Variants in MYH15 observed in about 807,000 individuals in gnomAD.
MYH15 encodes myosin heavy chain 15.
Under a neutral mutation model 240.5 loss-of-function variants are expected in MYH15, and 227 were observed. The observed-to-expected ratio is 0.94, with a 90% confidence interval of 0.85 to 1.05. The LOEUF is 1.05. Ranked by LOEUF, MYH15 falls within the 50% of genes least tolerant of loss-of-function variation. MYH15 has a pLI of 0.00. For missense variants in MYH15, 2,217 were observed against 2,247.5 expected (o/e 0.99, Z 0.27); for synonymous variants, 785 against 796.7 (o/e 0.99, Z 0.25).
At chr3:108,419,511 T>G (rs141482765) in intron 28 of MYH15, among the ~76,000 whole-genome samples, 9 of 152,284 alleles carry the variant, frequency 5.9e-5, no homozygotes, top group African/African-American at 2.2e-4. Context: ...TACACAGCAC[T>G]TCCTTTAGGG....
At chr3:108,441,919 A>G (rs183964707) in intron 22 of MYH15, among the ~76,000 whole-genome samples, 3 of 152,302 alleles carry the variant, frequency 2.0e-5, no homozygotes, top group African/African-American at 7.2e-5. Flanking sequence ...TTTCACAGGC[A>G]CTGCCTCCAG....
intron 2 of MYH15, among the ~76,000 whole-genome samples, chr3:108,504,247 C>G (rs550333697): frequency 2.0e-4 from 30 of 152,276 alleles, no homozygotes; most frequent in African/African-American, 7.2e-4. Context: ...CTGATTGAGT[C>G]TATTTCTTAG....
intron 11 of MYH15, among the ~76,000 whole-genome samples, chr3:108,480,935 T>C (rs1443650942): frequency 1.3e-5 from 2 of 152,158 alleles, no homozygotes; most frequent in Non-Finnish European, 2.9e-5. Flanking sequence ...CCTTCCTAAA[T>C]AATTAACTGG....
At chr3:108,413,834 CACA>C (rs1245945045) in intron 30 of MYH15, among the ~76,000 whole-genome samples, 4 of 152,174 alleles carry the variant, frequency 2.6e-5, no homozygotes, top group African/African-American at 9.7e-5. Context: ...AGACCAGGGA[CACA>C]ACGACTTTGA....
In MYH15 at chr3:108,383,703, GGAAAGGTATT is replaced by G. The variant is rs1296704296; in HGVS notation, c.5648_5657del (p.Gln1883ProfsTer10). 5 of 1,597,274 alleles carry G rather than the reference GGAAAGGTATT, an allele frequency of 3.1e-6. No homozygotes were observed. Among genetic ancestry groups the G allele is most frequent in the Non-Finnish European group, 4.3e-6 (5 of 1,172,100 alleles). ...ACTCATGTTGCTGTTTCTTATACTT[GGAAAGGTATT>G]GATTGGCTTGTGTTTCCTATAAAAA... On this transcript the variant is annotated frameshift_variant, in exon 40 of 41. Transcript: ENST00000693548. LOFTEE classifies it high-confidence loss of function.
intron 16 of MYH15, 130 bp from the exon 17 acceptor site, chr3:108,460,497 C>T: frequency 1.8e-6 from 1 of 563,696 alleles, no homozygotes. Context: ...CTACCAAAAG[C>T]TTCAAAATAT....
intron 3 of MYH15, among the ~76,000 whole-genome samples, 177 bp downstream of exon 3, chr3:108,501,535 T>A (rs926178137): frequency 6.6e-6 from 1 of 152,156 alleles, no homozygotes; most frequent in Admixed American, 6.6e-5. Context: ...GGCATATGAA[T>A]GTTGACAAAA....
the MYH15 span, among the ~76,000 whole-genome samples, chr3:108,542,479 T>C: frequency 6.6e-6 from 1 of 152,218 alleles, no homozygotes; most frequent in South Asian, 2.1e-4. Context: ...TGTGCAGCCT[T>C]TTCAGACTGG....
intron 32 of MYH15, among the ~76,000 whole-genome samples, chr3:108,406,721 T>A (rs1227598664): frequency 6.6e-6 from 1 of 152,204 alleles, no homozygotes; most frequent in Admixed American, 6.5e-5. Context: ...TATTTATGGA[T>A]GTGGCTGAGG....
chr3:108,505,935 G>C, intron 1 of MYH15, 106 bp from the exon 2 acceptor site: 1 of 681,248 alleles, frequency 1.5e-6, no homozygotes, highest in South Asian at 2.7e-5. Flanking sequence ...TGCTAAATCA[G>C]CTTGTTGACT....
At position 108,439,871 on chromosome 3, in the gene MYH15, TA is replaced by T; in HGVS notation, c.2940del (p.Asp980GlufsTer33). The T allele has an allele frequency of 6.2e-7, 1 of 1,609,964 alleles. No homozygotes were observed. Among genetic ancestry groups the T allele is most frequent in the Non-Finnish European group, 8.5e-7 (1 of 1,178,498 alleles). The part of the protein sequence containing the change: ...LTEEVEFLNE[D>X]ISKLNRAAKV... Reference sequence around the variant, plus strand: ...TTGGCTGCTCTGTTAAGTTTGCTGATATCCTCATTTAGAAACTCTACTTCCT... The same window carrying T: ...TTGGCTGCTCTGTTAAGTTTGCTGATTCCTCATTTAGAAACTCTACTTCCT... On this transcript the variant is annotated frameshift_variant, in exon 24 of 41. Coordinates refer to ENST00000693548, the MANE Select transcript of MYH15 (RefSeq NM_014981.3). LOFTEE classifies it high-confidence loss of function.
At chr3:108,543,879 T>A in the MYH15 span, 1 of 152,252 alleles carries the variant, frequency 6.6e-6, no homozygotes, top group African/African-American at 2.4e-5. Flanking sequence ...GTGCCATAGC[T>A]GCATATGGTT....
intron 16 of MYH15, chr3:108,461,847 C>T (rs2083074191): frequency 6.6e-6 from 1 of 152,102 alleles, no homozygotes; most frequent in Non-Finnish European, 1.5e-5. Flanking sequence ...TCTCCATTCC[C>T]TATGTCAGTC....
intron 12 of MYH15, among the ~76,000 whole-genome samples, chr3:108,475,934 C>T (rs2083216496): frequency 6.6e-6 from 1 of 152,194 alleles, no homozygotes. Flanking sequence ...CTGTTTTCAA[C>T]ACACACCTCC....
chr3:108,545,604 AAAGT>A, the MYH15 span, among the ~76,000 whole-genome samples: 6 of 152,102 alleles, frequency 3.9e-5, no homozygotes, highest in Non-Finnish European at 5.9e-5. Flanking sequence ...TTAAAAAGTT[AAAGT>A]AACATTGTAC....
chr3:108,383,914 T>C (rs73850872), intron 39 of MYH15, among the ~76,000 whole-genome samples, 185 bp from the exon 40 acceptor site: 11,508 of 152,068 alleles, frequency 0.076, 1,450 homozygotes, highest in African/African-American at 0.26. Flanking sequence ...ATAAGATCCA[T>C]TTTTTTATAA....
intron 35 of MYH15, among the ~76,000 whole-genome samples, chr3:108,397,678 T>A (rs114945959): frequency 0.011 from 1,614 of 152,334 alleles, 28 homozygotes; most frequent in African/African-American, 0.036. Flanking sequence ...AGGAGAAGGA[T>A]CTAAGAATTC....
intron 12 of MYH15, among the ~76,000 whole-genome samples, chr3:108,474,767 A>C (rs1271884819): frequency 6.6e-6 from 1 of 152,194 alleles, no homozygotes; most frequent in Non-Finnish European, 1.5e-5. Flanking sequence ...GAAACTGCTG[A>C]ACAACTCTAA....
chr3:108,396,514 C>A (rs1278075230), intron 35 of MYH15, among the ~76,000 whole-genome samples: 2 of 152,156 alleles, frequency 1.3e-5, no homozygotes, highest in Admixed American at 6.5e-5. Context: ...AAGCTCTCTC[C>A]CCTGCAGCTC....
Sources: allele counts gnomAD v4.1 joint callset (sites outside exome capture counted in the v4.1 genomes callset), GRCh38; gene constraint gnomAD v4.1.1; transcripts MANE v1.5; gene names NCBI Gene and HGNC (gene_info 2026-07-23, HGNC 2026-07-21).